Variants in ANKDD1B observed in about 807,000 individuals in gnomAD.
The protein encoded by ANKDD1B is ankyrin repeat and death domain-containing protein 1B.
ANKDD1B carries 57 observed loss-of-function variants against 59.7 expected under a neutral mutation model. The ratio of observed to expected loss-of-function variants is 0.95; its 90% CI spans 0.77 to 1.19. The LOEUF is 1.19. Ranked by LOEUF, ANKDD1B falls within the 50% of genes most tolerant of loss-of-function variation. ANKDD1B has a pLI of 0.00. For missense variants in ANKDD1B, 602 were observed against 641.9 expected (o/e 0.94, Z 0.67); for synonymous variants, 216 against 239.5 (o/e 0.90, Z 0.91).
rs979296794 is a variant in ANKDD1B at position 75,654,498 on chromosome 5, T to C, written c.897+1258T>C. 8.5e-5 allele frequency among the ~76,000 whole-genome samples: 13 copies of C among 152,128 alleles called. 1 individual carries two copies. The South Asian group carries it at 1.5e-3, about 17-fold the overall frequency. ...AACTGTTAGGGCAGCCTGGGCAACA[T>C]GGCAAGACCCCATCTCTACAAAAAT... On this transcript the variant is annotated intron_variant, in intron 8 of 13. Transcript: ENST00000601380.
Position 75,671,039 on chromosome 5 carries a change from AAATGCCTAAAG to A in ANKDD1B, c.*2_*12del. 1 of 1,220,646 alleles carries A rather than the reference AAATGCCTAAAG, an allele frequency of 8.2e-7. No individual in the cohort carries two copies. The highest frequency in any genetic ancestry group is 3.2e-5 in the East Asian group (1 of 31,574). The allele number at this position is 1,220,646 out of a possible 1,614,324, so 75.6% of individuals were successfully genotyped here. A position where few individuals can be genotyped will look rare whatever the true frequency, so the allele number is the denominator to read the frequency against. On this transcript the variant is annotated stop_retained_variant and 3_prime_UTR_variant, in exon 14 of 14. Transcript: ENST00000601380. Reference sequence around the variant, plus strand: ...AACTCCAAGAAATGTGTAGTTTCATAAATGCCTAAAGAAATTGTATTTACATGATTTTCCAC... The same window carrying A: ...AACTCCAAGAAATGTGTAGTTTCATAAAATTGTATTTACATGATTTTCCAC...
In ANKDD1B at chr5:75,611,894, A is replaced by T. The variant is rs1773568996; in HGVS notation, c.193+67A>T. 3 of 1,196,180 alleles carry T rather than the reference A, an allele frequency of 2.5e-6. No homozygotes were observed. In the East Asian group the frequency reaches 9.5e-5, roughly 38 times the overall value. 74.1% of individuals were successfully genotyped at this position (1,196,180 alleles called of 1,614,324 possible). ...CGGGCTGGGTCGAAGGGACTTGAGA[A>T]GGTACCCAGAGCAGCACCTCCGGAC... On this transcript the variant is annotated intron_variant, in intron 1 of 13. Coordinates refer to ENST00000601380, the MANE Select transcript of ANKDD1B (RefSeq NM_001276713.2).
chr5:75,625,373 C>T (rs191007237), intron 3 of ANKDD1B, among the ~76,000 whole-genome samples: 1 of 152,198 alleles, frequency 6.6e-6, no homozygotes, highest in Non-Finnish European at 1.5e-5. Flanking sequence ...GGATTTTATT[C>T]TAATATATTT....
chr5:75,650,707 T>C (rs971405404), intron 7 of ANKDD1B, among the ~76,000 whole-genome samples: 4 of 152,198 alleles, frequency 2.6e-5, no homozygotes, highest in African/African-American at 7.2e-5. Context: ...GTCAGAGATA[T>C]ACAGGTCATT....
intron 11 of ANKDD1B, among the ~76,000 whole-genome samples, chr5:75,664,342 A>G (rs750779504): frequency 1.3e-5 from 2 of 152,222 alleles, no homozygotes; most frequent in Non-Finnish European, 2.9e-5. Flanking sequence ...TAGTCTTGAT[A>G]TATATGGATT....
At chr5:75,624,969 G>A (rs1377371405) in intron 3 of ANKDD1B, among the ~76,000 whole-genome samples, 1 of 152,152 alleles carries the variant, frequency 6.6e-6, no homozygotes, top group Non-Finnish European at 1.5e-5. Flanking sequence ...GCATTATATA[G>A]TCTGACTATT....
intron 3 of ANKDD1B, among the ~76,000 whole-genome samples, chr5:75,623,363 C>A (rs530578924): frequency 1.3e-5 from 2 of 152,210 alleles, no homozygotes; most frequent in East Asian, 3.9e-4. Flanking sequence ...CCGTGCCTGG[C>A]CTTCTGGTCT....
chr5:75,652,823 A>C (rs1774866479), intron 7 of ANKDD1B, among the ~76,000 whole-genome samples: 1 of 152,234 alleles, frequency 6.6e-6, no homozygotes, highest in African/African-American at 2.4e-5. Flanking sequence ...GTGTGAACAT[A>C]AATAGAGTGT....
intron 1 of ANKDD1B, among the ~76,000 whole-genome samples, chr5:75,615,158 C>T (rs1037269293): frequency 6.6e-6 from 1 of 152,050 alleles, no homozygotes; most frequent in East Asian, 1.9e-4. Context: ...CATAAGGTTG[C>T]AGAATTTCTG....
chr5:75,663,582 C>CA, intron 11 of ANKDD1B, 93 bp downstream of exon 11: 5 of 1,015,666 alleles, frequency 4.9e-6, no homozygotes, highest in South Asian at 1.4e-5. Context: ...ATTCTTTGCT[C>CA]TAATGAGCAG....
At chr5:75,616,748 C>A in intron 1 of ANKDD1B, 56 bp from the exon 2 acceptor site, 1 of 782,142 alleles carries the variant, frequency 1.3e-6, no homozygotes, top group Non-Finnish European at 2.0e-6. Context: ...ATGAAATATG[C>A]TTTCTCTTTG....
chr5:75,667,611 G>A (rs1328571546), intron 12 of ANKDD1B, among the ~76,000 whole-genome samples: 1 of 152,198 alleles, frequency 6.6e-6, no homozygotes, highest in African/African-American at 2.4e-5. Context: ...GTCATAATTA[G>A]TGAAGTCAGG....
At chr5:75,613,925 A>G (rs1773640823) in intron 1 of ANKDD1B, among the ~76,000 whole-genome samples, 2 of 152,218 alleles carry the variant, frequency 1.3e-5, no homozygotes, top group Admixed American at 6.5e-5. Flanking sequence ...CAGGAATTCA[A>G]GACCAGCCTG....
At chr5:75,651,184 A>T (rs1579965092) in intron 7 of ANKDD1B, among the ~76,000 whole-genome samples, 1 of 152,036 alleles carries the variant, frequency 6.6e-6, no homozygotes, top group Admixed American at 6.6e-5. Context: ...GGAGAAATAA[A>T]CCCCACCTCT....
chr5:75,619,790 C>T (rs554604054), intron 2 of ANKDD1B, among the ~76,000 whole-genome samples: 1 of 152,156 alleles, frequency 6.6e-6, no homozygotes, highest in Non-Finnish European at 1.5e-5. Context: ...TCTTTCCTTC[C>T]TCCTTTCTTC....
rs919474257 is a variant in ANKDD1B at position 75,653,184 on chromosome 5, G to A, written c.841G>A (p.Ala281Thr). ...GCAGATAGCAACCAGGAACGGCCATGCATCCCTTGTCAACTTTCTTCTCAG... is the reference window on the plus strand; with the variant it reads ...GCAGATAGCAACCAGGAACGGCCATACATCCCTTGTCAACTTTCTTCTCAG... ...SLQIATRNGHASLVNFLLSEN... is the reference protein window; with the variant it reads ...SLQIATRNGHTSLVNFLLSEN... The change falls in exon 8 of 14, where the codon GCA becomes ACA. Residue 281 changes from alanine to threonine, a missense_variant. Transcript: ENST00000601380. 2.0e-6 allele frequency: 3 copies of A among 1,536,144 alleles called. No homozygotes were observed. In the South Asian group the frequency reaches 3.6e-5, roughly 18 times the overall value.
intron 3 of ANKDD1B, among the ~76,000 whole-genome samples, chr5:75,625,177 C>T (rs1421554256): frequency 6.6e-6 from 1 of 151,992 alleles, no homozygotes; most frequent in Non-Finnish European, 1.5e-5. Flanking sequence ...ATAATCATTT[C>T]CATTTCCTTT....
At chr5:75,618,782 G>A (rs1275596446) in intron 2 of ANKDD1B, among the ~76,000 whole-genome samples, 2 of 152,178 alleles carry the variant, frequency 1.3e-5, no homozygotes, top group African/African-American at 2.4e-5. Flanking sequence ...GTCTTGTGCT[G>A]TCACCGAGGC....
intron 7 of ANKDD1B, among the ~76,000 whole-genome samples, chr5:75,652,538 C>A (rs1774860193): frequency 6.6e-6 from 1 of 152,196 alleles, no homozygotes; most frequent in Non-Finnish European, 1.5e-5. Flanking sequence ...GCCTCCCAGG[C>A]TCAAACCATC....
Sources: gnomAD v4.1 joint callset for allele counts (sites outside exome capture counted in the v4.1 genomes callset) on GRCh38, gnomAD v4.1.1 for gene constraint, MANE v1.5 for transcripts, NCBI Gene and HGNC (gene_info 2026-07-23, HGNC 2026-07-21) for gene names.